Variants in NBPF20 observed in about 807,000 individuals in gnomAD.
NBPF20 encodes NBPF family member NBPF20.
Under a neutral mutation model 68.1 loss-of-function variants are expected in NBPF20, and 90 were observed. The ratio of observed to expected loss-of-function variants is 1.32; its 90% confidence interval spans 1.11 to 1.58. NBPF20 has a LOEUF of 1.58. NBPF20 is among the 40% of genes most tolerant of loss of function. The probability of loss-of-function intolerance (pLI) is 0.00; values close to 1 mark genes in which losing one functional copy is unlikely to be tolerated. For missense variants in NBPF20, 816 were observed against 601.2 expected, an observed-to-expected ratio of 1.36 and a Z score of -3.74; for synonymous variants, 290 against 228.1, an observed-to-expected ratio of 1.27 and a Z score of -2.45.
At chr1:145,400,939 A>G in intron 5 of NBPF20, 120 bp downstream of exon 10, 2 of 1,231,406 alleles carry the variant, frequency 1.6e-6, no homozygotes, top group South Asian at 1.2e-5. Context: ...GTTATATTTC[A>G]CATACTGTGG....
chr1:145,399,988 A>C (rs1662438122), intron 6 of NBPF20, among the ~76,000 whole-genome samples: 1 of 152,200 alleles, frequency 6.6e-6, no homozygotes, highest in Admixed American at 6.5e-5. Context: ...AGAGCAGTGA[A>C]GCCGGGGGAA....
At chr1:145,407,522 TACGTGTATATATATAATACGTGTATATAC>T (rs1662853316), upstream of NBPF20, among the ~76,000 whole-genome samples, 1 of 146,834 alleles carries the variant, frequency 6.8e-6, no homozygotes, top group South Asian at 2.1e-4. Flanking sequence ...TGTATATACA[TACGTGTATATATATAATACGTGTATATAC>T]ATAATATACT....
At chr1:145,312,309 G>A (rs1661504744) in exon 112 of NBPF20, 7 of 110,224 alleles carry the variant, frequency 6.4e-5, no homozygotes. Context: ...ACCTGAAGGA[G>A]TTGAATAACA....
exon 1 of NBPF20, chr1:145,405,500 C>T (rs1176108029): frequency 6.6e-7 from 1 of 1,505,006 alleles, no homozygotes; most frequent in East Asian, 2.4e-5. Flanking sequence ...GAGCTGAAAG[C>T]ACTGCCAGTA....
exon 9 of NBPF20, chr1:145,393,910 C>G (rs1553663002): frequency 6.6e-7 from 1 of 1,515,450 alleles, no homozygotes; most frequent in South Asian, 1.1e-5. Context: ...CTTGGTCCTC[C>G]TTTTTCACTT....
chr1:145,292,005 C>G (rs1184523573), intron 137 of NBPF20, among the ~76,000 whole-genome samples: 1 of 149,582 alleles, frequency 6.7e-6, no homozygotes, highest in South Asian at 2.1e-4. Flanking sequence ...AGAAAGTGAC[C>G]TAGTGAATTG....
chr1:145,398,358 G>C (rs1237518621), intron 7 of NBPF20, among the ~76,000 whole-genome samples: 2 of 151,680 alleles, frequency 1.3e-5, no homozygotes, highest in Admixed American at 6.6e-5. Flanking sequence ...AAATGTAAAA[G>C]AATGGAAATC....
At chr1:145,404,310 G>T (rs1265683556) in intron 2 of NBPF20, among the ~76,000 whole-genome samples, 1 of 151,712 alleles carries the variant, frequency 6.6e-6, no homozygotes, top group Non-Finnish European at 1.5e-5. Flanking sequence ...CCATGCTGGA[G>T]TGCAATAGTG....
At chr1:145,394,828 C>A (rs1282233672) in intron 8 of NBPF20, 150 bp downstream of exon 13, 157 of 1,523,704 alleles carry the variant, frequency 1.0e-4, no homozygotes, top group Non-Finnish European at 1.2e-4. Context: ...TCAGACTCGA[C>A]TCCAGAGTGA....
chr1:145,402,465 T>C (rs1317837140), intron 3 of NBPF20, 84 bp from the exon 9 acceptor site: 3 of 1,506,952 alleles, frequency 2.0e-6, no homozygotes, highest in Non-Finnish European at 2.8e-6. Context: ...TCTGAGATAA[T>C]GTCCTCAAGG....
intron 9 of NBPF20, 173 bp downstream of exon 14, chr1:145,393,711 G>T (rs1251200103): frequency 4.7e-6 from 7 of 1,484,680 alleles, no homozygotes; most frequent in Non-Finnish European, 5.5e-6. Context: ...AGGGTAGGAA[G>T]AAATGGAAAC....
At chr1:145,415,021 G>T in the NBPF20 span, among the ~76,000 whole-genome samples, 3 of 152,130 alleles carry the variant, frequency 2.0e-5, no homozygotes, top group Non-Finnish European at 2.9e-5. Flanking sequence ...GACCCATGCC[G>T]GCACTGGCCT....
chr1:145,390,321 C>T lies in NBPF20; in HGVS notation c.1494-205G>A, dbSNP rs1458311631. The stretch of plus-strand genomic sequence containing the variant: ...AAAGAGAAAGACAGATAGACACACA[C>T]ACACACACACACACACACACACAGA... On this transcript the variant is annotated intron_variant, in intron 13 of 137. Coordinates refer to ENST00000369373, the Ensembl canonical transcript of NBPF20. 6.2e-5 allele frequency among the ~76,000 whole-genome samples: 4 copies of T among 64,316 alleles called. 1 individual carries two copies. The highest frequency in any genetic ancestry group is 1.0e-4 in the Non-Finnish European group (4 of 38,488). The allele number at this position is 64,316 out of a possible 152,430, so 42.2% of individuals were successfully genotyped here. A position where few individuals can be genotyped will look rare whatever the true frequency, so the allele number is the denominator to read the frequency against.
exon 138 of NBPF20, chr1:145,290,125 T>G (rs1204689325): frequency 4.7e-5 from 7 of 149,060 alleles, no homozygotes; most frequent in Non-Finnish European, 8.9e-5. Flanking sequence ...AAAGGCACAG[T>G]AAAAATTGAG....
At chr1:145,409,477 A>G (rs1263082305), upstream of NBPF20, among the ~76,000 whole-genome samples, 1 of 150,660 alleles carries the variant, frequency 6.6e-6, no homozygotes, top group Non-Finnish European at 1.5e-5. Context: ...GCTGGAATGT[A>G]ACAAAAGCCC....
At chr1:145,408,458 G>A (rs1553668285), upstream of NBPF20, among the ~76,000 whole-genome samples, 1 of 152,002 alleles carries the variant, frequency 6.6e-6, no homozygotes, top group African/African-American at 2.4e-5. Context: ...GTTTGAATCT[G>A]TATTCTTTCA....
At position 145,298,374 on chromosome 1, in the gene NBPF20, A is replaced by C. The variant is rs1661342825; in HGVS notation, c.15684-240T>G. ...CACACACAGACACACACACACAGACACACACACACACACAGAGAGAGAGAA... is the reference window on the plus strand; with the variant it reads ...CACACACAGACACACACACACAGACCCACACACACACACAGAGAGAGAGAA... On this transcript the variant is annotated intron_variant, in intron 129 of 137. Coordinates refer to ENST00000369373, the Ensembl canonical transcript of NBPF20. Among the ~76,000 whole-genome samples, 6 of 144,004 alleles carry C rather than the reference A, an allele frequency of 4.2e-5. No homozygotes were observed. In the South Asian group the frequency reaches 1.3e-3, roughly 32 times the overall value. 94.5% of individuals were successfully genotyped at this position (144,004 alleles called of 152,430 possible).
intron 7 of NBPF20, among the ~76,000 whole-genome samples, chr1:145,398,426 C>A (rs1662363082): frequency 6.6e-6 from 1 of 152,178 alleles, no homozygotes; most frequent in East Asian, 1.9e-4. Context: ...AAGAAACTCA[C>A]TCAAAACCGC....
At chr1:145,307,167 A>T (rs1661422315) in intron 118 of NBPF20, among the ~76,000 whole-genome samples, 2 of 30,508 alleles carry the variant, frequency 6.6e-5, no homozygotes, top group African/African-American at 3.9e-4. Context: ...TGAAGGAGGA[A>T]ATCTACAAAC....
Sources: gnomAD v4.1 joint callset for allele counts (sites outside exome capture counted in the v4.1 genomes callset) on GRCh38, gnomAD v4.1.1 for gene constraint, MANE v1.5 for transcripts, NCBI Gene and HGNC (gene_info 2026-07-23, HGNC 2026-07-21) for gene names.